The following ESYT2 variants were observed in gnomAD, a reference collection of about 807,000 sequenced individuals.
ESYT2 encodes the protein extended synaptotagmin 2, also known as extended synaptotagmin-2.
In ESYT2, 54 loss-of-function variants were observed where a neutral mutation model predicts 107.2. The observed-to-expected ratio is 0.50, with a 90% CI of 0.40 to 0.63. ESYT2 has a LOEUF of 0.63. Ranked by LOEUF, ESYT2 falls within the 30% of genes least tolerant of loss-of-function variation. The pLI is 0.00. For synonymous variants in ESYT2, 491 were observed against 434.1 expected (o/e 1.13, Z -1.63); for missense variants, 1,020 against 1,094.5 (o/e 0.93, Z 0.96).
At chr7:158,792,048 T>A (rs1178452326) in intron 4 of ESYT2, among the ~76,000 whole-genome samples, 1 of 152,204 alleles carries the variant, frequency 6.6e-6, no homozygotes, top group African/African-American at 2.4e-5. Flanking sequence ...AATTGTTTCC[T>A]TCATTTTCTT....
At chr7:158,795,613 C>T (rs571288532) in intron 3 of ESYT2, among the ~76,000 whole-genome samples, 6 of 152,214 alleles carry the variant, frequency 3.9e-5, no homozygotes, top group South Asian at 4.1e-4. Context: ...GCAGCCCCTG[C>T]GGCCATGTAC....
intron 1 of ESYT2, among the ~76,000 whole-genome samples, chr7:158,819,220 A>T (rs189394764): frequency 2.6e-5 from 4 of 152,368 alleles, no homozygotes; most frequent in Admixed American, 2.6e-4. Flanking sequence ...CCATGCAAAA[A>T]CAAACACTGC....
chr7:158,749,120 T>C (rs1837503056), intron 15 of ESYT2, among the ~76,000 whole-genome samples: 1 of 152,046 alleles, frequency 6.6e-6, no homozygotes, highest in Non-Finnish European at 1.5e-5. Context: ...TTTGTTTTGT[T>C]TTTTGAGACA....
chr7:158,787,089 C>T (rs988029407), intron 6 of ESYT2, among the ~76,000 whole-genome samples: 24 of 151,980 alleles, frequency 1.6e-4, no homozygotes, highest in African/African-American at 2.2e-4. Flanking sequence ...ACAATGAACA[C>T]GGAGGGCAGC....
At chr7:158,760,437 C>A (rs1300626820) in intron 11 of ESYT2, among the ~76,000 whole-genome samples, 2 of 152,218 alleles carry the variant, frequency 1.3e-5, no homozygotes, top group Non-Finnish European at 2.9e-5. Context: ...GTATCATTCC[C>A]ACTTTACACA....
chr7:158,808,937 T>C (rs1265359393), intron 1 of ESYT2, among the ~76,000 whole-genome samples: 2 of 151,842 alleles, frequency 1.3e-5, no homozygotes, highest in East Asian at 1.9e-4. Flanking sequence ...GACTGCGCCA[T>C]TACACTCCAG....
At chr7:158,768,507 G>GCTC (rs1225562876) in intron 7 of ESYT2, among the ~76,000 whole-genome samples, 1 of 152,158 alleles carries the variant, frequency 6.6e-6, no homozygotes, top group Non-Finnish European at 1.5e-5. Context: ...GCAACCTCCA[G>GCTC]CTCCTGGGTT....
At chr7:158,794,000 C>G (rs1435355359) in intron 3 of ESYT2, among the ~76,000 whole-genome samples, 1 of 152,244 alleles carries the variant, frequency 6.6e-6, no homozygotes, top group African/African-American at 2.4e-5. Flanking sequence ...CAGTGCATGC[C>G]TTGCCCACAG....
At chr7:158,795,787 C>T (rs1584861421) in intron 3 of ESYT2, among the ~76,000 whole-genome samples, 3 of 152,354 alleles carry the variant, frequency 2.0e-5, no homozygotes, top group African/African-American at 4.8e-5. Context: ...ACAGGCGTCC[C>T]GTGTAGAGAC....
In ESYT2 at chr7:158,773,393, A is replaced by G. The variant is rs144457776; in HGVS notation, c.751T>C (p.Leu251=). Residue 251 remains leucine, a synonymous_variant, in exon 7 of 23, where the codon TTA becomes CTA. Transcript: ENST00000275418. Reference sequence around the variant, plus strand: ...GTCAGTCCTGTCCAGTTAATTTCTAAAAGCTGTTTTAAAACAAGGGCAAAA... The same window carrying G: ...GTCAGTCCTGTCCAGTTAATTTCTAGAAGCTGTTTTAAAACAAGGGCAAAA... ...LSIFFLRKPL[L]EINWTGLTNL... is the part of the protein sequence containing the mutation. 9.3e-6 allele frequency: 15 copies of G among 1,614,004 alleles called. No homozygotes were observed. The African/African-American group carries it at 2.0e-4, about 22-fold the overall frequency.
In ESYT2 at chr7:158,793,724, G is replaced by A. The variant is rs534108469; in HGVS notation, c.510C>T (p.Pro170=). Residue 170 remains proline (P), a splice_region_variant and synonymous_variant, in exon 4 of 23, where the codon CCC becomes CCT. Transcript: ENST00000275418. ...SFTKVDVGQQ[P]LRINGVKVYT... ...ATACCTTAACACCATTGATCCTGAG[G>A]GGCTGAAATAAGAAGTAGCTTATTT... is the stretch of plus-strand genomic sequence containing the variant. The A allele has an allele frequency of 6.8e-6, 11 of 1,611,998 alleles. No homozygotes were observed. In the East Asian group the frequency reaches 1.6e-4, roughly 23 times the overall value.
rs1056651508 is a variant in ESYT2, at chr7:158,732,166, G to A, written c.*2041C>T. The A allele has an allele frequency of 6.6e-6, 1 of 152,230 alleles. No individual in the cohort carries two copies. The highest frequency in any genetic ancestry group is 1.5e-5 in the Non-Finnish European group (1 of 68,044). The allele number at this position is 152,230 out of a possible 1,614,324, so 9.4% of individuals were successfully genotyped here. ...ACACACTGGACTGCAGAACTCAGATGTATGGGATGTTGGTAAAAATTACTG... is the reference window on the plus strand; with the variant it reads ...ACACACTGGACTGCAGAACTCAGATATATGGGATGTTGGTAAAAATTACTG... On this transcript the variant is annotated 3_prime_UTR_variant, in exon 23 of 23. Coordinates refer to ENST00000275418, the MANE Select transcript of ESYT2 (RefSeq NM_001367773.1).
At chr7:158,757,247 C>T (rs1473732761) in intron 13 of ESYT2, among the ~76,000 whole-genome samples, 1 of 152,180 alleles carries the variant, frequency 6.6e-6, no homozygotes, top group Non-Finnish European at 1.5e-5. Context: ...ATCAGTCCAC[C>T]GCCAGCCAAC....
chr7:158,781,740 T>C (rs1339030580), intron 6 of ESYT2, among the ~76,000 whole-genome samples: 12 of 145,862 alleles, frequency 8.2e-5, no homozygotes, highest in Admixed American at 5.4e-4. Context: ...AGTGAACGAG[T>C]GAGAACAAAG....
In ESYT2 at chr7:158,817,993, C is replaced by T. The variant is rs150044734; in HGVS notation, c.330+11096G>A. Among the ~76,000 whole-genome samples the T allele has an allele frequency of 2.0e-5, 3 of 152,208 alleles. No individual in the cohort carries two copies. In the East Asian group the frequency reaches 5.8e-4, roughly 29 times the overall value. On this transcript the variant is annotated intron_variant, in intron 1 of 22. Coordinates refer to ENST00000275418, the MANE Select transcript of ESYT2 (RefSeq NM_001367773.1). ...CTGGATTTATTTTCTACAGATCTAC[C>T]TTACTCTGGGAAACTTAAAACATAT...
At chr7:158,753,238 G>C (rs1837639207) in intron 13 of ESYT2, among the ~76,000 whole-genome samples, 1 of 152,084 alleles carries the variant, frequency 6.6e-6, no homozygotes, top group Non-Finnish European at 1.5e-5. Context: ...CAATGAATGG[G>C]CCACAGCCGC....
At chr7:158,810,997 T>C (rs918964593) in intron 1 of ESYT2, among the ~76,000 whole-genome samples, 5 of 130,390 alleles carry the variant, frequency 3.8e-5, no homozygotes, top group Admixed American at 7.7e-5. Flanking sequence ...ATACAGCTGT[T>C]AAAAAAAACA....
Position 158,735,622 on chromosome 7 carries a change from C to A in ESYT2, c.2400-14G>T. 1 of 1,603,788 alleles carries A rather than the reference C, an allele frequency of 6.2e-7. No homozygotes were observed. The highest frequency in any genetic ancestry group is 8.5e-7 in the Non-Finnish European group (1 of 1,170,980). ...CTGAAATCAAAGCTGAAATAGGAAA[C>A]GAGAGCCTTACTTTATCCATCATTC... On this transcript the variant is annotated splice_polypyrimidine_tract_variant and intron_variant, in intron 20 of 22. Coordinates refer to ENST00000275418, the MANE Select transcript of ESYT2 (RefSeq NM_001367773.1).
intron 8 of ESYT2, 49 bp from the exon 9 acceptor site, chr7:158,764,902 A>G (rs200432934): frequency 1.3e-6 from 2 of 1,582,160 alleles, no homozygotes; most frequent in East Asian, 4.5e-5. Flanking sequence ...GGCTTGTTTA[A>G]CTGGCATGGA....
Sources: allele counts gnomAD v4.1 joint callset (sites outside exome capture counted in the v4.1 genomes callset), GRCh38; gene constraint gnomAD v4.1.1; transcripts MANE v1.5; gene names NCBI Gene and HGNC (gene_info 2026-07-23, HGNC 2026-07-21).